The following CDKN2B-AS1 variants were observed in gnomAD, a reference collection of about 807,000 sequenced individuals.
The protein encoded by CDKN2B-AS1 is CDKN2B antisense RNA 1 (non-protein coding).
chr9:22,090,902 A>G (rs1280530818), intron 4 of CDKN2B-AS1, among the ~76,000 whole-genome samples: 1 of 152,144 alleles, frequency 6.6e-6, no homozygotes, highest in African/African-American at 2.4e-5. Flanking sequence ...GTCCTTGCCC[A>G]TGCCTATGTC....
At chr9:22,070,461 C>A (rs1487500798) in intron 4 of CDKN2B-AS1, among the ~76,000 whole-genome samples, 1 of 152,136 alleles carries the variant, frequency 6.6e-6, no homozygotes, top group Non-Finnish European at 1.5e-5. Context: ...GTAGGAAGGT[C>A]TAAGTACAAT....
At chr9:21,998,083 T>G (rs1194025007) in intron 1 of CDKN2B-AS1, among the ~76,000 whole-genome samples, 3 of 152,210 alleles carry the variant, frequency 2.0e-5, no homozygotes, top group Non-Finnish European at 1.5e-5. Context: ...AATATTAAAG[T>G]TTGAACATCT....
chr9:22,060,995 G>C (rs1208940573), intron 4 of CDKN2B-AS1, among the ~76,000 whole-genome samples: 1 of 152,134 alleles, frequency 6.6e-6, no homozygotes, highest in Non-Finnish European at 1.5e-5. Context: ...ATTTGGTAGG[G>C]ACACAGGCAA....
intron 4 of CDKN2B-AS1, chr9:22,097,349 C>T (rs1311206432): frequency 2.0e-5 from 3 of 152,078 alleles, no homozygotes; most frequent in African/African-American, 4.8e-5. Flanking sequence ...TTTAAGAACT[C>T]AGACCAGTGA....
chr9:22,009,413 G>C (rs1186151246), intron 1 of CDKN2B-AS1: 1 of 301,318 alleles, frequency 3.3e-6, no homozygotes, highest in Non-Finnish European at 6.3e-6. Context: ...GGGAGGCCAG[G>C]CCCGGGCCGA....
intron 4 of CDKN2B-AS1, among the ~76,000 whole-genome samples, chr9:22,079,373 G>T (rs868528054): frequency 6.6e-6 from 1 of 151,938 alleles, no homozygotes; most frequent in African/African-American, 2.4e-5. Flanking sequence ...CTGTAGTTCC[G>T]GCTACTCGGG....
chr9:22,022,402 T>G (rs1267352846), intron 1 of CDKN2B-AS1, among the ~76,000 whole-genome samples: 1 of 152,216 alleles, frequency 6.6e-6, no homozygotes, highest in East Asian at 1.9e-4. Context: ...TTTACCATTA[T>G]GTAATGCGTT....
rs764199965 is a variant in CDKN2B-AS1 at position 22,006,224 on chromosome 9, G to T, written n.29+11063G>T. The T allele has an allele frequency of 5.0e-6, 8 of 1,606,654 alleles. No homozygotes were observed. In the African/African-American group the frequency reaches 5.3e-5, roughly 11 times the overall value. ...CGTGGAGCAGCAGCAGCTCCGCCACGCGGGCGCTGCCCATCATCATGACCT... is the reference window on the plus strand; with the variant it reads ...CGTGGAGCAGCAGCAGCTCCGCCACTCGGGCGCTGCCCATCATCATGACCT... On this transcript the variant is annotated intron_variant and non_coding_transcript_variant, in intron 1 of 4. Transcript: ENST00000650946. This position sits in a 1 kb window ranked among gnomAD's most constrained non-coding sequence, Gnocchi z 6.4.
At chr9:22,121,015 G>T (rs1203589667) in intron 4 of CDKN2B-AS1, 1 of 152,084 alleles carries the variant, frequency 6.6e-6, no homozygotes, top group Non-Finnish European at 1.5e-5. Flanking sequence ...AACTTAAGCA[G>T]TCTAACCTTA....
chr9:22,001,487 C>A lies in CDKN2B-AS1; in HGVS notation n.29+6326C>A, dbSNP rs1820917045. ...CTTTTGTTTTACATTTAGTTCACAC[C>A]ACAAATTAGTAAGTCAGGCTTGGTG... On this transcript the variant is annotated intron_variant and non_coding_transcript_variant, in intron 1 of 4. Coordinates refer to ENST00000650946, the Ensembl canonical transcript of CDKN2B-AS1. The surrounding 1 kb of genome is among the most constrained non-coding windows in gnomAD (Gnocchi z 4.2). 6.6e-6 allele frequency among the ~76,000 whole-genome samples: 1 copy of A among 152,020 alleles called. No individual in the cohort carries two copies. The highest frequency in any genetic ancestry group is 2.4e-5 in the African/African-American group (1 of 41,398).
intron 1 of CDKN2B-AS1, among the ~76,000 whole-genome samples, chr9:22,033,212 G>A (rs893028663): frequency 2.6e-5 from 4 of 151,868 alleles, no homozygotes; most frequent in African/African-American, 9.7e-5. Flanking sequence ...ACCAGTCCCT[G>A]GTGCCAAAAA....
At chr9:22,073,682 C>A (rs1274478025) in intron 4 of CDKN2B-AS1, among the ~76,000 whole-genome samples, 1 of 152,078 alleles carries the variant, frequency 6.6e-6, no homozygotes, top group Non-Finnish European at 1.5e-5. Context: ...TATTTACTAC[C>A]CTAACTGCCT....
intron 1 of CDKN2B-AS1, chr9:22,012,257 G>T: frequency 7.0e-7 from 1 of 1,435,054 alleles, no homozygotes; most frequent in Non-Finnish European, 9.8e-7. Context: ...AGACAAGGAG[G>T]GTATCCCCCC....
intron 4 of CDKN2B-AS1, among the ~76,000 whole-genome samples, chr9:22,097,527 A>G (rs540079703): frequency 6.6e-6 from 1 of 152,330 alleles, no homozygotes; most frequent in South Asian, 2.1e-4. Context: ...TGAAAGAATA[A>G]TAACTACTTA....
rs1020590220 is a variant in CDKN2B-AS1, at chr9:21,997,018, T to G, written n.29+1857T>G. Among the ~76,000 whole-genome samples the G allele has an allele frequency of 6.6e-6, 1 of 152,170 alleles. No homozygotes were observed. Reference sequence around the variant, plus strand: ...AGTACCACACATATGTATATGTATATACACACCGTCATGGGGTTGCTTAAC... The same window carrying G: ...AGTACCACACATATGTATATGTATAGACACACCGTCATGGGGTTGCTTAAC... On this transcript the variant is annotated intron_variant and non_coding_transcript_variant, in intron 1 of 4. Coordinates refer to ENST00000650946, the Ensembl canonical transcript of CDKN2B-AS1. This position sits in a 1 kb window ranked among gnomAD's most constrained non-coding sequence, Gnocchi z 4.8.
intron 4 of CDKN2B-AS1, among the ~76,000 whole-genome samples, chr9:22,106,275 G>T (rs936002723): frequency 2.0e-5 from 3 of 152,062 alleles, no homozygotes; most frequent in African/African-American, 7.2e-5. Flanking sequence ...TAAAGATAGG[G>T]TTTCAGCATG....
At chr9:22,106,073 G>T (rs1186510721) in intron 4 of CDKN2B-AS1, among the ~76,000 whole-genome samples, 2 of 151,994 alleles carry the variant, frequency 1.3e-5, no homozygotes, top group Non-Finnish European at 2.9e-5. Flanking sequence ...ACCACATCTG[G>T]ATAATTTTTG....
chr9:22,055,809 C>T (rs1291133923), intron 3 of CDKN2B-AS1, among the ~76,000 whole-genome samples: 1 of 152,002 alleles, frequency 6.6e-6, no homozygotes, highest in Non-Finnish European at 1.5e-5. Flanking sequence ...TTATTGAGGA[C>T]CTACTGCATA....
chr9:22,009,670 C>G (rs1439812737), intron 1 of CDKN2B-AS1, among the ~76,000 whole-genome samples: 2 of 152,158 alleles, frequency 1.3e-5, no homozygotes, highest in Non-Finnish European at 2.9e-5. Context: ...CCCTTGTGAC[C>G]GAGAGAAAGT....
Sources: gnomAD v4.1 joint callset for allele counts (sites outside exome capture counted in the v4.1 genomes callset) on GRCh38, gnomAD v4.1.1 for gene constraint, Gnocchi (gnomAD v3.1) non-coding constraint, MANE v1.5 for transcripts, NCBI Gene and HGNC (gene_info 2026-07-23, HGNC 2026-07-21) for gene names.